The following NELL1 variants were observed in gnomAD, a reference collection of about 807,000 sequenced individuals.
The protein encoded by NELL1 is protein kinase C-binding protein NELL1.
NELL1 carries 76 observed loss-of-function variants against 107.4 expected under a neutral mutation model. The observed-to-expected ratio is 0.71, with a 90% confidence interval of 0.59 to 0.86. NELL1 has a LOEUF of 0.86. Ranked by LOEUF, NELL1 falls within the 40% of genes least tolerant of loss-of-function variation. The probability of loss-of-function intolerance (pLI) is 0.00; values close to 1 mark genes in which losing one functional copy is unlikely to be tolerated. For synonymous variants in NELL1, 353 were observed against 341.2 expected (o/e 1.03, Z -0.38); for missense variants, 1,024 against 1,005.5 (o/e 1.02, Z -0.25).
intron 13 of NELL1, among the ~76,000 whole-genome samples, chr11:21,118,226 G>A (rs1259103157): frequency 3.3e-5 from 5 of 151,988 alleles, no homozygotes; most frequent in Non-Finnish European, 7.4e-5. Context: ...AAAGCAATGG[G>A]GGGCTGTGGG....
At chr11:21,266,060 CCTT>C (rs1848627181) in intron 14 of NELL1, among the ~76,000 whole-genome samples, 1 of 151,988 alleles carries the variant, frequency 6.6e-6, no homozygotes, top group African/African-American at 2.4e-5. Flanking sequence ...ACTAGCCCCT[CCTT>C]AAGATTGGAT....
chr11:20,945,630 T>A (rs1375939955), intron 10 of NELL1, among the ~76,000 whole-genome samples: 1 of 152,220 alleles, frequency 6.6e-6, no homozygotes, highest in African/African-American at 2.4e-5. Flanking sequence ...GCAATAATGG[T>A]AAGTAATTCA....
intron 15 of NELL1, among the ~76,000 whole-genome samples, chr11:21,491,055 G>A (rs1854794189): frequency 6.6e-6 from 1 of 151,888 alleles, no homozygotes; most frequent in African/African-American, 2.4e-5. Context: ...TCTATCCAAG[G>A]GACTAACATT....
intron 4 of NELL1, among the ~76,000 whole-genome samples, chr11:20,852,125 C>G (rs1272285068): frequency 6.6e-6 from 1 of 152,206 alleles, no homozygotes; most frequent in African/African-American, 2.4e-5. Context: ...AAATTCAGCT[C>G]TTAAGTGCAG....
chr11:21,278,435 A>G (rs1021827108), intron 14 of NELL1, among the ~76,000 whole-genome samples: 1 of 152,204 alleles, frequency 6.6e-6, no homozygotes, highest in African/African-American at 2.4e-5. Flanking sequence ...GTAAGTGACT[A>G]TAGCATAGTG....
At position 20,924,434 on chromosome 11, in the gene NELL1, C is replaced by A. The variant is rs564347744; in HGVS notation, c.760-2874C>A. ...ATAAAAACCACATTCAGAAGGGAAA[C>A]AAAATCAGCCTTGAGAATAGCATTC... is the stretch of plus-strand genomic sequence containing the variant. On this transcript the variant is annotated intron_variant, in intron 7 of 19. Coordinates refer to ENST00000357134, the MANE Select transcript of NELL1 (RefSeq NM_006157.5). 2.0e-5 allele frequency among the ~76,000 whole-genome samples: 3 copies of A among 152,230 alleles called. No individual in the cohort carries two copies. In the South Asian group the frequency reaches 6.2e-4, roughly 32 times the overall value.
intron 15 of NELL1, among the ~76,000 whole-genome samples, chr11:21,526,607 A>G (rs1053502830): frequency 2.0e-5 from 3 of 152,194 alleles, no homozygotes; most frequent in Non-Finnish European, 4.4e-5. Flanking sequence ...ACATCCAGGC[A>G]TTTCCGTACA....
At chr11:20,800,127 A>G (rs1857253308) in intron 3 of NELL1, among the ~76,000 whole-genome samples, 1 of 152,174 alleles carries the variant, frequency 6.6e-6, no homozygotes, top group South Asian at 2.1e-4. Flanking sequence ...ACCTAGGTTG[A>G]TTCCATGTCT....
intron 15 of NELL1, among the ~76,000 whole-genome samples, chr11:21,399,315 T>G (rs1308948382): frequency 6.6e-6 from 1 of 151,734 alleles, no homozygotes; most frequent in African/African-American, 2.4e-5. Context: ...GTGTCGGTGG[T>G]TGACAATCGC....
At chr11:21,068,010 G>T (rs574829995) in intron 12 of NELL1, among the ~76,000 whole-genome samples, 2 of 108,100 alleles carry the variant, frequency 1.9e-5, no homozygotes, top group Non-Finnish European at 3.4e-5. Flanking sequence ...TCCAGCCTGG[G>T]CAACAGAGTG....
At chr11:21,349,719 T>G (rs1472839076) in intron 14 of NELL1, among the ~76,000 whole-genome samples, 2 of 152,118 alleles carry the variant, frequency 1.3e-5, no homozygotes, top group Non-Finnish European at 2.9e-5. Context: ...CTTTGCTGCT[T>G]GTGCAAATGC....
intron 11 of NELL1, among the ~76,000 whole-genome samples, chr11:20,950,231 C>T (rs1051951124): frequency 1.3e-5 from 2 of 152,158 alleles, no homozygotes; most frequent in South Asian, 4.1e-4. Flanking sequence ...AACATCCAGC[C>T]CACTTGTCCA....
chr11:20,795,702 G>A (rs1590302020), intron 3 of NELL1, among the ~76,000 whole-genome samples: 2 of 152,064 alleles, frequency 1.3e-5, no homozygotes, highest in African/African-American at 4.8e-5. Flanking sequence ...GAAAGCTAGG[G>A]TTCTAAGAAA....
chr11:20,989,628 C>T (rs1043673854), intron 12 of NELL1, among the ~76,000 whole-genome samples: 1 of 152,180 alleles, frequency 6.6e-6, no homozygotes, highest in Non-Finnish European at 1.5e-5. Flanking sequence ...TCTTCAATAA[C>T]TGCCCTCAAC....
At chr11:21,233,037 A>T (rs996653024) in intron 14 of NELL1, among the ~76,000 whole-genome samples, 2 of 152,244 alleles carry the variant, frequency 1.3e-5, no homozygotes, top group East Asian at 3.8e-4. Context: ...AAATCTGGTT[A>T]GAAGTAAATA....
At chr11:21,217,181 C>T (rs1175229087) in intron 13 of NELL1, among the ~76,000 whole-genome samples, 2 of 152,156 alleles carry the variant, frequency 1.3e-5, no homozygotes, top group Non-Finnish European at 2.9e-5. Context: ...TTTGCTTCCC[C>T]TTCTCCATGA....
chr11:20,755,534 G>T (rs954226371), intron 2 of NELL1, among the ~76,000 whole-genome samples: 154 of 90,280 alleles, frequency 1.7e-3, no homozygotes, highest in African/African-American at 4.6e-3. Flanking sequence ...ACCTGTGTGG[G>T]TTTTTGTTTT....
intron 1 of NELL1, among the ~76,000 whole-genome samples, chr11:20,672,669 ATCTC>A (rs1853943349): frequency 6.6e-6 from 1 of 152,178 alleles, no homozygotes; most frequent in South Asian, 2.1e-4. Context: ...ATAACACACT[ATCTC>A]TATGAGTTTT....
At chr11:20,763,030 C>T (rs943184917) in intron 2 of NELL1, among the ~76,000 whole-genome samples, 1 of 152,154 alleles carries the variant, frequency 6.6e-6, no homozygotes, top group East Asian at 1.9e-4. Flanking sequence ...AAAAGCCCAA[C>T]TGTTGTTCCA....
Sources: gnomAD v4.1 joint callset for allele counts (sites outside exome capture counted in the v4.1 genomes callset) on GRCh38, gnomAD v4.1.1 for gene constraint, MANE v1.5 for transcripts, NCBI Gene and HGNC (gene_info 2026-07-23, HGNC 2026-07-21) for gene names.